The following ERBB4 variants were observed in gnomAD, a reference collection of about 807,000 sequenced individuals.
The protein encoded by ERBB4 is receptor tyrosine-protein kinase erbB-4.
Under a neutral mutation model 158.0 loss-of-function variants are expected in ERBB4, and 42 were observed. The observed-to-expected ratio is 0.27, with a 90% CI of 0.21 to 0.34. The LOEUF is 0.34. Ranked by LOEUF, ERBB4 falls within the 10% of genes least tolerant of loss-of-function variation. The pLI, the probability that ERBB4 is intolerant of heterozygous loss-of-function variation, is 1.00. For missense variants in ERBB4, 1,333 were observed against 1,624.1 expected, an observed-to-expected ratio of 0.82 and a Z score of 3.08; for synonymous variants, 583 against 558.7, an observed-to-expected ratio of 1.04 and a Z score of -0.61.
intron 20 of ERBB4, among the ~76,000 whole-genome samples, chr2:211,558,962 A>T (rs1435797698): frequency 6.6e-6 from 1 of 152,142 alleles, no homozygotes; most frequent in African/African-American, 2.4e-5. Flanking sequence ...AATACCTATA[A>T]TTCCTAAATG....
intron 20 of ERBB4, among the ~76,000 whole-genome samples, chr2:211,554,346 C>T (rs1198147932): frequency 6.6e-6 from 1 of 152,222 alleles, no homozygotes. Flanking sequence ...GATTTAACAA[C>T]ACAATGTACG....
chr2:211,851,289 A>C (rs2077715705), intron 3 of ERBB4, among the ~76,000 whole-genome samples: 1 of 151,998 alleles, frequency 6.6e-6, no homozygotes, highest in Non-Finnish European at 1.5e-5. Context: ...AAGAAATATA[A>C]TTTATTTAAT....
chr2:212,172,224 T>C (rs1575744395), intron 1 of ERBB4, among the ~76,000 whole-genome samples: 1 of 152,160 alleles, frequency 6.6e-6, no homozygotes, highest in Admixed American at 6.5e-5. Flanking sequence ...TACGATCTCA[T>C]ACCAGTCAGA....
intron 20 of ERBB4, among the ~76,000 whole-genome samples, chr2:211,463,046 G>T (rs776357734): frequency 1.3e-5 from 2 of 152,072 alleles, no homozygotes; most frequent in Non-Finnish European, 2.9e-5. Context: ...GAGTAAATTA[G>T]AAATAATTTA....
intron 20 of ERBB4, among the ~76,000 whole-genome samples, chr2:211,453,153 G>A (rs768347976): frequency 1.3e-5 from 2 of 152,282 alleles, no homozygotes; most frequent in Non-Finnish European, 1.5e-5. Context: ...ACTAGGTAAT[G>A]CTTTCAGCAA....
At chr2:211,746,321 A>G (rs2074971860) in intron 5 of ERBB4, among the ~76,000 whole-genome samples, 1 of 152,230 alleles carries the variant, frequency 6.6e-6, no homozygotes, top group East Asian at 1.9e-4. Context: ...CTTGCTTATT[A>G]GGTCCATGAA....
Position 212,142,663 on chromosome 2 carries a change from C to G in ERBB4, c.83-17760G>C, listed in dbSNP as rs182235794. ...TCCTCAATTATATAGTTATATAACT[C>G]TAATATAGAAATACAGAGAACATGA... On this transcript the variant is annotated intron_variant, in intron 1 of 27. Coordinates refer to ENST00000342788, the MANE Select transcript of ERBB4 (RefSeq NM_005235.3). Among the ~76,000 whole-genome samples the G allele has an allele frequency of 1.6e-4, 24 of 148,502 alleles. No homozygotes were observed. The East Asian group carries it at 4.3e-3, about 27-fold the overall frequency.
At chr2:211,574,315 A>T (rs1308278216) in intron 19 of ERBB4, among the ~76,000 whole-genome samples, 1 of 152,232 alleles carries the variant, frequency 6.6e-6, no homozygotes, top group Non-Finnish European at 1.5e-5. Flanking sequence ...CCATCTCAAC[A>T]TATAACCATG....
At chr2:211,392,283 C>CTGAG (rs1345293977) in intron 25 of ERBB4, among the ~76,000 whole-genome samples, 1 of 152,072 alleles carries the variant, frequency 6.6e-6, no homozygotes, top group Non-Finnish European at 1.5e-5. Flanking sequence ...TTTCTCACAA[C>CTGAG]TGAGTTCAAC....
intron 25 of ERBB4, among the ~76,000 whole-genome samples, chr2:211,392,588 ACACACACACACACC>A (rs1448631070): frequency 5.3e-5 from 8 of 150,330 alleles, no homozygotes; most frequent in South Asian, 4.2e-4. Flanking sequence ...ACACACACAC[ACACACACACACACC>A]CCAATAATGA....
At chr2:212,206,817 T>C (rs1203933837) in intron 1 of ERBB4, among the ~76,000 whole-genome samples, 1 of 151,956 alleles carries the variant, frequency 6.6e-6, no homozygotes, top group Admixed American at 6.6e-5. Flanking sequence ...CTCCATCTCC[T>C]GACCTCGTGA....
intron 16 of ERBB4, among the ~76,000 whole-genome samples, chr2:211,647,242 C>T (rs1393828538): frequency 6.6e-6 from 1 of 151,292 alleles, no homozygotes; most frequent in East Asian, 1.9e-4. Flanking sequence ...TCTCCTGTAT[C>T]TCCAACCTCT....
chr2:212,420,498 T>G (rs963719381), intron 1 of ERBB4, among the ~76,000 whole-genome samples: 1 of 152,284 alleles, frequency 6.6e-6, no homozygotes. Context: ...AAGTCATGCA[T>G]GTATTTTAAT....
At chr2:211,394,472 T>A (rs1416953387) in intron 25 of ERBB4, among the ~76,000 whole-genome samples, 1 of 152,200 alleles carries the variant, frequency 6.6e-6, no homozygotes, top group Non-Finnish European at 1.5e-5. Flanking sequence ...ATCACTTAGC[T>A]ACTAGCTAAT....
At chr2:212,191,571 T>TACATGTTATACCTGTTATATATAACAC (rs1559701371) in intron 1 of ERBB4, among the ~76,000 whole-genome samples, 23 of 139,918 alleles carry the variant, frequency 1.6e-4, no homozygotes, top group African/African-American at 4.0e-4. Context: ...ATATAACACA[T>TACATGTTATACCTGTTATATATAACAC]GTGTTATGCC....
At chr2:212,365,121 T>C (rs2089837839) in intron 1 of ERBB4, among the ~76,000 whole-genome samples, 1 of 151,680 alleles carries the variant, frequency 6.6e-6, no homozygotes, top group Non-Finnish European at 1.5e-5. Context: ...CTTTCTGTCA[T>C]TCACAATACA....
At chr2:212,210,501 C>T (rs1314772590) in intron 1 of ERBB4, among the ~76,000 whole-genome samples, 1 of 151,974 alleles carries the variant, frequency 6.6e-6, no homozygotes, top group Non-Finnish European at 1.5e-5. Flanking sequence ...TTTGTAGCCA[C>T]TTAATATTTT....
chr2:211,809,276 C>G (rs908188921), intron 3 of ERBB4, among the ~76,000 whole-genome samples: 3 of 152,190 alleles, frequency 2.0e-5, no homozygotes, highest in Non-Finnish European at 2.9e-5. Flanking sequence ...ACCAGCTCCT[C>G]TTTGTACCTC....
intron 3 of ERBB4, among the ~76,000 whole-genome samples, chr2:211,924,562 C>T (rs556073672): frequency 1.5e-4 from 23 of 151,992 alleles, no homozygotes; most frequent in Non-Finnish European, 3.1e-4. Context: ...CACGTCAAAT[C>T]GATCACATAA....
Sources: allele counts gnomAD v4.1 joint callset (sites outside exome capture counted in the v4.1 genomes callset), GRCh38; gene constraint gnomAD v4.1.1; transcripts MANE v1.5; gene names NCBI Gene and HGNC (gene_info 2026-07-23, HGNC 2026-07-21).